GTF2F1: variants seen among roughly 807,000 people sequenced by gnomAD.
GTF2F1 encodes the protein general transcription factor IIF subunit 1, also known as general transcription factor IIF 74 kDa subunit.
GTF2F1 carries 39 observed loss-of-function variants against 63.5 expected under a neutral mutation model. The observed-to-expected ratio is 0.61, with a 90% confidence interval of 0.48 to 0.80. The LOEUF (loss-of-function observed/expected upper bound fraction) is 0.80. GTF2F1 is among the 30% of genes least tolerant of loss of function. The probability of loss-of-function intolerance (pLI) is 0.00; values close to 1 mark genes in which losing one functional copy is unlikely to be tolerated. For missense variants in GTF2F1, 657 were observed against 718.3 expected, an observed-to-expected ratio of 0.91 and a Z score of 0.97; for synonymous variants, 287 against 285.3, an observed-to-expected ratio of 1.01 and a Z score of -0.06.
chr19:6,388,587 TGCATTGTG>T (rs1438879852), intron 4 of GTF2F1, among the ~76,000 whole-genome samples: 1 of 152,188 alleles, frequency 6.6e-6, no homozygotes, highest in Non-Finnish European at 1.5e-5. Flanking sequence ...CTAAGCTTCC[TGCATTGTG>T]GCACTCAGAG....
At chr19:6,389,208 C>T (rs1217850994) in intron 4 of GTF2F1, among the ~76,000 whole-genome samples, 1 of 152,028 alleles carries the variant, frequency 6.6e-6, no homozygotes, top group East Asian at 1.9e-4. Context: ...TGCACTCCAG[C>T]CTGGGCGACA....
At chr19:6,385,376 G>T (rs989530882) in intron 5 of GTF2F1, among the ~76,000 whole-genome samples, 1 of 136,788 alleles carries the variant, frequency 7.3e-6, no homozygotes, top group Non-Finnish European at 1.5e-5. Context: ...CTCCAGCCTG[G>T]GTGACAGTGA....
chr19:6,380,143 C>A lies in GTF2F1; in HGVS notation c.*138G>T. On this transcript the variant is annotated 3_prime_UTR_variant, in exon 13 of 13. Transcript: ENST00000394456. This position sits in a 1 kb window ranked among gnomAD's most constrained non-coding sequence, Gnocchi z 5.3. ...GGGGCCCTGGGAGTCAGGGAGCAAG[C>A]AGGATGTCGAAGGGTCACTGAGAGC... 2 of 778,080 alleles carry A rather than the reference C, an allele frequency of 2.6e-6. No individual in the cohort carries two copies. The highest frequency in any genetic ancestry group is 4.5e-6 in the Non-Finnish European group (2 of 443,320). The allele number at this position is 778,080 out of a possible 1,614,324, so 48.2% of individuals were successfully genotyped here.
Position 6,389,584 on chromosome 19 carries a change from C to A in GTF2F1, c.186G>T (p.Met62Ile). 2 of 1,614,186 alleles carry A rather than the reference C, an allele frequency of 1.2e-6. No homozygotes were observed. Among genetic ancestry groups the A allele is most frequent in the South Asian group, 2.2e-5 (2 of 91,088 alleles). The change falls in exon 4 of 13, where the codon ATG (methionine) becomes ATT (isoleucine). Residue 62 changes from methionine to isoleucine, a missense_variant. By Grantham distance (10) the Met-to-Ile change is conservative (BLOSUM62 1). Coordinates refer to ENST00000394456, the MANE Select transcript of GTF2F1 (RefSeq NM_002096.3). ...SNKKIYQEEE[M>I]PESGAGSEFN... Reference sequence around the variant, plus strand: ...ACTCACTGCCCGCGCCCGATTCGGGCATCTCCTCCTCTTGGTAGATTTTCT... The same window carrying A: ...ACTCACTGCCCGCGCCCGATTCGGGAATCTCCTCCTCTTGGTAGATTTTCT...
chr19:6,387,181 C>T (rs2091976898), intron 5 of GTF2F1: 1 of 513,360 alleles, frequency 1.9e-6, no homozygotes, highest in African/African-American at 2.6e-5. Flanking sequence ...CAGACTCTGG[C>T]TCTGGCAGCA....
chr19:6,385,041 C>T (rs2091968809), intron 5 of GTF2F1, among the ~76,000 whole-genome samples: 3 of 152,050 alleles, frequency 2.0e-5, no homozygotes, highest in South Asian at 2.1e-4. Flanking sequence ...CCTTGCGATC[C>T]GCTCTCCACG....
At chr19:6,392,276 A>C (rs1599218123) in intron 2 of GTF2F1, 1 of 500,594 alleles carries the variant, frequency 2.0e-6, no homozygotes, top group African/African-American at 1.9e-5. Flanking sequence ...TCTGCCAGAG[A>C]AGCTAGACCC....
chr19:6,382,423 G>C (rs948764536), intron 6 of GTF2F1, among the ~76,000 whole-genome samples: 2 of 152,032 alleles, frequency 1.3e-5, no homozygotes, highest in African/African-American at 4.8e-5. Context: ...CCTGAGGTCG[G>C]GAGTTTGAGA....
At chr19:6,387,364 C>A (rs745816130) in intron 5 of GTF2F1, 25 bp downstream of exon 5, 132 of 1,610,130 alleles carry the variant, frequency 8.2e-5, no homozygotes, top group Non-Finnish European at 1.1e-4. Flanking sequence ...CACTTCTGTC[C>A]CCAGCCACCA....
chr19:6,391,880 C>G, intron 3 of GTF2F1, 22 bp downstream of exon 3: 1 of 1,442,808 alleles, frequency 6.9e-7, no homozygotes, highest in Non-Finnish European at 9.6e-7. Context: ...CAGCCCCTGA[C>G]CCCCAGGACT....
In GTF2F1 at chr19:6,389,449, G is replaced by A; in HGVS notation, c.321C>T (p.Gly107=). The change falls in exon 4 of 13, where the codon GGC becomes GGT. Residue 107 remains glycine, a synonymous_variant. Transcript: ENST00000394456. ...GCCACCGCCCCACCACTTACTTCCT[G>A]CCTGATTTGCCGTTGACCCGGAGCA... ...PWLLRVNGKS[G]RKFKGIKKGG... is the part of the protein sequence containing the mutation. 1 of 1,613,560 alleles carries A rather than the reference G, an allele frequency of 6.2e-7. No homozygotes were observed. Among genetic ancestry groups the A allele is most frequent in the Non-Finnish European group, 8.5e-7 (1 of 1,179,610 alleles).
intron 5 of GTF2F1, among the ~76,000 whole-genome samples, chr19:6,385,541 G>GC (rs775374630): frequency 2.0e-5 from 3 of 151,648 alleles, no homozygotes; most frequent in African/African-American, 7.3e-5. Flanking sequence ...AAGCGAACCT[G>GC]CCCCCCCAGC....
At chr19:6,390,741 G>A (rs1167767980) in intron 3 of GTF2F1, among the ~76,000 whole-genome samples, 4 of 141,832 alleles carry the variant, frequency 2.8e-5, no homozygotes, top group Non-Finnish European at 6.2e-5. Flanking sequence ...TTAGCTAGGC[G>A]TGGTGGTGGG....
In GTF2F1 at chr19:6,381,022, C is replaced by T. The variant is rs2091946138; in HGVS notation, c.1113G>A (p.Lys371=). ...LFMAKKKTPP[K]RERKPSGGSS... is the part of the protein sequence containing the mutation. ...TCCCTCCCGACGGCTTCCGCTCTCT[C>T]TTGGGTGGCGTCTTCTTCTTCTGCA... The change falls in exon 11 of 13, where the codon AAG becomes AAA. Residue 371 remains lysine, a synonymous_variant. Coordinates refer to ENST00000394456, the MANE Select transcript of GTF2F1 (RefSeq NM_002096.3). The surrounding 1 kb of genome is among the most constrained non-coding windows in gnomAD (Gnocchi z 4.1). The T allele has an allele frequency of 6.2e-7, 1 of 1,612,020 alleles. No homozygotes were observed. The highest frequency in any genetic ancestry group is 1.3e-5 in the African/African-American group (1 of 75,042).
At position 6,393,129 on chromosome 19, in the gene GTF2F1, G is replaced by C. The variant is rs1296909947; in HGVS notation, c.-134C>G. The C allele has an allele frequency of 8.9e-7, 1 of 1,123,656 alleles. No homozygotes were observed. Among genetic ancestry groups the C allele is most frequent in the Admixed American group, 2.2e-5 (1 of 44,926 alleles). 69.6% of individuals were successfully genotyped at this position (1,123,656 alleles called of 1,614,324 possible). A position where few individuals can be genotyped will look rare whatever the true frequency, so the allele number is the denominator to read the frequency against. On this transcript the variant is annotated 5_prime_UTR_variant, in exon 1 of 13. Transcript: ENST00000394456. Reference sequence around the variant, plus strand: ...TGCCTGAGCGAGGACCCCAACCCTAGGCGCCTCTGGCGCTGGGAAAAGGTA... The same window carrying C: ...TGCCTGAGCGAGGACCCCAACCCTACGCGCCTCTGGCGCTGGGAAAAGGTA...
In GTF2F1 at chr19:6,381,115, G is replaced by A. The variant is rs201244435; in HGVS notation, c.1092+7C>T. On this transcript the variant is annotated splice_region_variant and intron_variant, in intron 10 of 12. Transcript: ENST00000394456. This position sits in a 1 kb window ranked among gnomAD's most constrained non-coding sequence, Gnocchi z 4.1. ...CAGGCCTCCCCCGCCACCGGGCTGG[G>A]CCTTACCGCCATGAAGAGGGCTGAG... 1.4e-4 allele frequency: 225 copies of A among 1,611,052 alleles called. No individual in the cohort carries two copies. Among genetic ancestry groups the A allele is most frequent in the Non-Finnish European group, 1.7e-4 (197 of 1,178,872 alleles).
chr19:6,391,194 A>G (rs1330325495), intron 3 of GTF2F1, among the ~76,000 whole-genome samples: 2 of 152,100 alleles, frequency 1.3e-5, no homozygotes, highest in African/African-American at 4.8e-5. Context: ...GATCACACAC[A>G]CTACAACTTC....
rs1599218899 is a variant in GTF2F1 at position 6,393,092 on chromosome 19, GT to G, written c.-98del. 7.9e-6 allele frequency: 12 copies of G among 1,527,736 alleles called. No homozygotes were observed. The East Asian group carries it at 2.7e-4, about 34-fold the overall frequency. The allele number at this position is 1,527,736 out of a possible 1,614,324, so 94.6% of individuals were successfully genotyped here. Reference sequence around the variant, plus strand: ...GATCCCGGGGAAGCCGCCGCTCGGTGTCGGGTCTCTGTGCCTGAGCGAGGAC... The same window carrying G: ...GATCCCGGGGAAGCCGCCGCTCGGTGCGGGTCTCTGTGCCTGAGCGAGGAC... On this transcript the variant is annotated 5_prime_UTR_variant, in exon 1 of 13. Transcript: ENST00000394456.
At position 6,380,639 on chromosome 19, in the gene GTF2F1, C is replaced by A. The variant is rs2091943285; in HGVS notation, c.1283G>T (p.Gly428Val). ...PAAKRLRLDT[G>V]PQSLSGKSTP... ...CGACTTCCCAGACAGGCTCTGGGGT[C>A]CCGTGTCCAGCCGCAACCGCTTGGC... Residue 428 changes from glycine to valine, a missense_variant, in exon 12 of 13, where the codon GGA becomes GTA. Coordinates refer to ENST00000394456, the MANE Select transcript of GTF2F1 (RefSeq NM_002096.3). This position sits in a 1 kb window ranked among gnomAD's most constrained non-coding sequence, Gnocchi z 5.3. The A allele has an allele frequency of 6.2e-7, 1 of 1,613,686 alleles. No homozygotes were observed. Among genetic ancestry groups the A allele is most frequent in the African/African-American group, 1.3e-5 (1 of 74,898 alleles).
Sources: allele counts gnomAD v4.1 joint callset (sites outside exome capture counted in the v4.1 genomes callset), GRCh38; gene constraint gnomAD v4.1.1; non-coding constraint Gnocchi (gnomAD v3.1); transcripts MANE v1.5; gene names NCBI Gene and HGNC (gene_info 2026-07-23, HGNC 2026-07-21).